Variants in MKLN1 observed in about 807,000 individuals in gnomAD.
MKLN1 encodes muskelin.
MKLN1 carries 18 observed loss-of-function variants against 99.0 expected under a neutral mutation model. The ratio of observed to expected loss-of-function variants is 0.18; its 90% CI spans 0.13 to 0.27. MKLN1 has a LOEUF of 0.27. MKLN1 is among the 10% of genes least tolerant of loss of function. The pLI is 1.00. For missense variants in MKLN1, 621 were observed against 875.9 expected (o/e 0.71, Z 3.67); for synonymous variants, 288 against 293.2 (o/e 0.98, Z 0.18).
At chr7:131,400,510 A>AG (rs1491303943) in intron 6 of MKLN1, among the ~76,000 whole-genome samples, 2 of 113,030 alleles carry the variant, frequency 1.8e-5, no homozygotes, top group African/African-American at 8.2e-5. Flanking sequence ...TGCTACCAAT[A>AG]AAAAAAAAAT....
intron 3 of MKLN1, among the ~76,000 whole-genome samples, chr7:131,263,549 C>T (rs1038536195): frequency 2.0e-5 from 3 of 150,432 alleles, no homozygotes; most frequent in African/African-American, 7.3e-5. Context: ...TAATAAGTTT[C>T]TTAAAATGAA....
chr7:131,452,129 T>A (rs1423486577), intron 12 of MKLN1, among the ~76,000 whole-genome samples: 2 of 152,232 alleles, frequency 1.3e-5, no homozygotes, highest in Non-Finnish European at 2.9e-5. Context: ...TATAGCAGAT[T>A]GGTACCATTG....
rs1563351126 is a variant in MKLN1 at position 131,443,666 on chromosome 7, C to T, written c.1359C>T (p.Ile453=). 1 of 1,613,792 alleles carries T rather than the reference C, an allele frequency of 6.2e-7. No individual in the cohort carries two copies. The change falls in exon 11 of 18, where the codon ATC becomes ATT. Residue 453 remains isoleucine, a synonymous_variant. Coordinates refer to ENST00000352689, the MANE Select transcript of MKLN1 (RefSeq NM_013255.5). ...EDSCNAGPED[I]QSRIGHCMLF... ...CCTGTAATGCTGGGCCTGAGGACAT[C>T]CAGTCTCGAATAGGACACTGCATGT...
At chr7:131,241,189 C>A (rs1371468416) in intron 3 of MKLN1, among the ~76,000 whole-genome samples, 2 of 151,890 alleles carry the variant, frequency 1.3e-5, no homozygotes, top group Non-Finnish European at 2.9e-5. Flanking sequence ...ACCAGGCTGG[C>A]CAACATGGTG....
intron 12 of MKLN1, among the ~76,000 whole-genome samples, chr7:131,451,670 G>T (rs2116551289): frequency 6.6e-6 from 1 of 152,264 alleles, no homozygotes; most frequent in South Asian, 2.1e-4. Flanking sequence ...TGCTTTAAGG[G>T]ATTTATTAGC....
rs369467520 is a variant in MKLN1 at position 131,269,608 on chromosome 7, G to A, written c.-179+66634G>A. The stretch of plus-strand genomic sequence containing the variant: ...TCATAAAATATTTTTAAATGTTTTC[G>A]TCTTTTCTCGATCAATGTATTTTTC... On this transcript the variant is annotated intron_variant, in intron 3 of 7. Coordinates refer to the MKLN1 transcript ENST00000416992. Among the ~76,000 whole-genome samples the A allele has an allele frequency of 1.6e-4, 24 of 152,234 alleles. 1 individual carries two copies. Among genetic ancestry groups the A allele is most frequent in the African/African-American group, 4.1e-4 (17 of 41,530 alleles).
At chr7:131,289,296 A>T (rs1798180188) in intron 3 of MKLN1, among the ~76,000 whole-genome samples, 1 of 152,190 alleles carries the variant, frequency 6.6e-6, no homozygotes. Flanking sequence ...GGCAGACATG[A>T]TGACACTTGC....
intron 8 of MKLN1, among the ~76,000 whole-genome samples, chr7:131,421,417 G>C (rs1795188388): frequency 1.3e-5 from 2 of 152,236 alleles, no homozygotes; most frequent in Admixed American, 6.5e-5. Context: ...AGATCTTAAT[G>C]ATATGGCAGC....
At chr7:131,438,990 G>A (rs1563348598) in intron 10 of MKLN1, among the ~76,000 whole-genome samples, 1 of 152,090 alleles carries the variant, frequency 6.6e-6, no homozygotes, top group Non-Finnish European at 1.5e-5. Flanking sequence ...GGTAAGGAGA[G>A]GAAGAGTGAG....
At position 131,192,189 on chromosome 7, in the gene MKLN1, AAATAT is replaced by A. The variant is rs1310921593; in HGVS notation, c.-296-10661_-296-10657del. ...TATGTATAATATATAAAAATATATA[AAATAT>A]AATATATACAATATATAAATATATA... On this transcript the variant is annotated intron_variant, in intron 2 of 7. Transcript: ENST00000416992. Among the ~76,000 whole-genome samples, 20 of 97,322 alleles carry A rather than the reference AAATAT, an allele frequency of 2.1e-4. 5 individuals are homozygous for A. In the South Asian group the frequency reaches 5.1e-3, roughly 25 times the overall value. 63.8% of individuals were successfully genotyped at this position (97,322 alleles called of 152,430 possible). A position where few individuals can be genotyped will look rare whatever the true frequency, so the allele number is the denominator to read the frequency against.
In MKLN1 at chr7:131,213,893, T is replaced by A. The variant is rs1796942093; in HGVS notation, c.-179+10919T>A. Among the ~76,000 whole-genome samples, 4 of 152,170 alleles carry A rather than the reference T, an allele frequency of 2.6e-5. No homozygotes were observed. The South Asian group carries it at 8.3e-4, about 31-fold the overall frequency. ...TGCCTAGCAAAATATCTCCTCTCAGTCTGAGCTTTCTTTTTCTTGATGGTC... is the reference window on the plus strand; with the variant it reads ...TGCCTAGCAAAATATCTCCTCTCAGACTGAGCTTTCTTTTTCTTGATGGTC... On this transcript the variant is annotated intron_variant, in intron 3 of 7. Transcript: ENST00000416992.
intron 3 of MKLN1, among the ~76,000 whole-genome samples, chr7:131,251,399 A>G (rs1317402742): frequency 6.6e-6 from 1 of 152,142 alleles, no homozygotes; most frequent in African/African-American, 2.4e-5. Context: ...CAATTCACAC[A>G]TAGGGGTTTT....
chr7:131,154,690 T>A (rs889207020), intron 2 of MKLN1, among the ~76,000 whole-genome samples: 12 of 152,232 alleles, frequency 7.9e-5, no homozygotes, highest in African/African-American at 2.7e-4. Context: ...TATTCATATA[T>A]ACATAAATTC....
At chr7:131,345,682 C>T (rs1397429929) in intron 1 of MKLN1, among the ~76,000 whole-genome samples, 2 of 152,034 alleles carry the variant, frequency 1.3e-5, no homozygotes, top group Admixed American at 6.6e-5. Context: ...CCACTGCACT[C>T]CAGCCTGGGC....
chr7:131,155,521 C>T (rs1795949913), intron 2 of MKLN1, among the ~76,000 whole-genome samples: 1 of 152,092 alleles, frequency 6.6e-6, no homozygotes, highest in African/African-American at 2.4e-5. Context: ...TGTAACCTTA[C>T]CTTCACAGAA....
intron 3 of MKLN1, among the ~76,000 whole-genome samples, chr7:131,294,893 G>T (rs933906282): frequency 6.6e-6 from 1 of 152,158 alleles, no homozygotes; most frequent in Non-Finnish European, 1.5e-5. Context: ...ACCCAAAGAA[G>T]GACAGAGTTC....
chr7:131,145,411 T>C (rs1380962420), intron 2 of MKLN1, among the ~76,000 whole-genome samples: 3 of 152,136 alleles, frequency 2.0e-5, no homozygotes, highest in Non-Finnish European at 4.4e-5. Flanking sequence ...AAAAAATCAA[T>C]CTTTTGTTGT....
chr7:131,399,544 T>A, intron 6 of MKLN1, 111 bp downstream of exon 6: 1 of 853,080 alleles, frequency 1.2e-6, no homozygotes, highest in Non-Finnish European at 1.8e-6. Context: ...TTTCTTGGTT[T>A]TTTACTCGGT....
intron 3 of MKLN1, among the ~76,000 whole-genome samples, chr7:131,220,620 G>A (rs1797046289): frequency 6.6e-6 from 1 of 152,204 alleles, no homozygotes; most frequent in African/African-American, 2.4e-5. Flanking sequence ...TCAGTTGGTA[G>A]AAGAGTGTAG....
Sources: gnomAD v4.1 joint callset for allele counts (sites outside exome capture counted in the v4.1 genomes callset) on GRCh38, gnomAD v4.1.1 for gene constraint, MANE v1.5 for transcripts, NCBI Gene and HGNC (gene_info 2026-07-23, HGNC 2026-07-21) for gene names.